Variants in NTRK3 observed in about 807,000 individuals in gnomAD.
The protein encoded by NTRK3 is neurotrophic receptor tyrosine kinase 3, also known as NT-3 growth factor receptor.
Under a neutral mutation model 91.7 loss-of-function variants are expected in NTRK3, and 24 were observed. That is an observed-to-expected ratio of 0.26 (90% confidence interval 0.19 to 0.37). NTRK3 has a LOEUF of 0.37. Ranked by LOEUF, NTRK3 falls within the 10% of genes least tolerant of loss-of-function variation. The pLI is 1.00. For synonymous variants in NTRK3, 483 were observed against 404.0 expected, an observed-to-expected ratio of 1.20 and a Z score of -2.34; for missense variants, 880 against 1,068.9, an observed-to-expected ratio of 0.82 and a Z score of 2.46.
intron 5 of NTRK3, among the ~76,000 whole-genome samples, chr15:88,162,534 G>C (rs2044556971): frequency 1.3e-5 from 2 of 152,136 alleles, no homozygotes; most frequent in Admixed American, 6.5e-5. Context: ...AGCATGGAGG[G>C]AACCATCACT....
chr15:88,146,734 A>C (rs1254155045), intron 6 of NTRK3, among the ~76,000 whole-genome samples: 1 of 152,164 alleles, frequency 6.6e-6, no homozygotes, highest in Non-Finnish European at 1.5e-5. Flanking sequence ...TGGCCTCCCC[A>C]AACCCCTTGA....
chr15:87,916,784 C>CA (rs1255334240), intron 17 of NTRK3, among the ~76,000 whole-genome samples: 2 of 149,270 alleles, frequency 1.3e-5, no homozygotes, highest in African/African-American at 5.0e-5. Context: ...TTTTTTTAGA[C>CA]AGAGTCTCAC....
exon 19 of NTRK3, chr15:87,869,766 G>T (rs567257520): frequency 9.9e-6 from 2 of 202,374 alleles, no homozygotes; most frequent in African/African-American, 4.6e-5. Flanking sequence ...CACTCCAGAG[G>T]TAGGCTCAGA....
intron 15 of NTRK3, among the ~76,000 whole-genome samples, chr15:87,934,017 C>T (rs917971687): frequency 1.3e-5 from 2 of 152,170 alleles, no homozygotes; most frequent in Non-Finnish European, 2.9e-5. Flanking sequence ...TGAATATACC[C>T]AGGTAGAGTG....
intron 17 of NTRK3, among the ~76,000 whole-genome samples, chr15:87,915,921 T>A (rs144402584): frequency 1.3e-5 from 2 of 152,340 alleles, no homozygotes; most frequent in East Asian, 1.9e-4. Context: ...CAATTGAATA[T>A]CTGCCTGACT....
chr15:87,975,837 C>T (rs1446246927), intron 14 of NTRK3, among the ~76,000 whole-genome samples: 4 of 152,186 alleles, frequency 2.6e-5, no homozygotes, highest in African/African-American at 9.7e-5. Flanking sequence ...AAGGCCTTGC[C>T]TCATTCTTTA....
At chr15:88,202,295 A>T (rs2048371915) in intron 3 of NTRK3, among the ~76,000 whole-genome samples, 1 of 152,072 alleles carries the variant, frequency 6.6e-6, no homozygotes, top group African/African-American at 2.4e-5. Flanking sequence ...CTTCCGTTCG[A>T]CATCTCCCCC....
chr15:87,877,049 G>A (rs1163333404), exon 19 of NTRK3: 1 of 1,614,008 alleles, frequency 6.2e-7, no homozygotes, highest in Non-Finnish European at 8.5e-7. Flanking sequence ...ACCCCAGCAT[G>A]ACATCGTACA....
intron 13 of NTRK3, among the ~76,000 whole-genome samples, chr15:88,088,321 G>A (rs2048696339): frequency 6.6e-6 from 1 of 152,156 alleles, no homozygotes; most frequent in Admixed American, 6.5e-5. Context: ...TTGTTGCTAT[G>A]AGTATTAGAA....
Position 88,243,659 on chromosome 15 carries a change from T to C in NTRK3, c.248+12247A>G, listed in dbSNP as rs1393652439. The stretch of plus-strand genomic sequence containing the variant: ...TTTGTCAACCAGACCAACCCCTACA[T>C]TTCCCAGGTAAACAAACTGAGGTTC... On this transcript the variant is annotated intron_variant, in intron 3 of 18. Coordinates refer to ENST00000394480, the Ensembl canonical transcript of NTRK3. The surrounding 1 kb of genome is among the most constrained non-coding windows in gnomAD (Gnocchi z 4.8). Among the ~76,000 whole-genome samples, 1 of 152,138 alleles carries C rather than the reference T, an allele frequency of 6.6e-6. No individual in the cohort carries two copies. Among genetic ancestry groups the C allele is most frequent in the Non-Finnish European group, 1.5e-5 (1 of 68,022 alleles).
intron 17 of NTRK3, among the ~76,000 whole-genome samples, chr15:87,913,218 C>A (rs763614781): frequency 4.0e-5 from 6 of 151,862 alleles, no homozygotes; most frequent in Non-Finnish European, 7.4e-5. Context: ...GGATGCTAGT[C>A]TCATTTATGT....
chr15:87,932,998 C>G lies in NTRK3; in HGVS notation c.1889+14G>C, dbSNP rs761863559. ...GACTGGGGTCAGGTGCAGGGGAAGA[C>G]AATCCTTGCTTACCTGAGGAACTTA... is the stretch of plus-strand genomic sequence containing the variant. On this transcript the variant is annotated intron_variant, in intron 16 of 18. Transcript: ENST00000394480. The G allele has an allele frequency of 6.2e-7, 1 of 1,613,802 alleles. No individual in the cohort carries two copies. The highest frequency in any genetic ancestry group is 8.5e-7 in the Non-Finnish European group (1 of 1,179,936).
chr15:87,896,945 T>A (rs2066160537), intron 17 of NTRK3, among the ~76,000 whole-genome samples: 1 of 152,138 alleles, frequency 6.6e-6, no homozygotes, highest in South Asian at 2.1e-4. Context: ...GTGCTTGAGA[T>A]TCTTTGGAGG....
chr15:88,020,522 A>G (rs1340109698), intron 14 of NTRK3, among the ~76,000 whole-genome samples: 1 of 152,232 alleles, frequency 6.6e-6, no homozygotes, highest in Non-Finnish European at 1.5e-5. Context: ...GGTTTCCCCC[A>G]ACAGCATATT....
chr15:88,166,379 C>A (rs2044947130), intron 5 of NTRK3, among the ~76,000 whole-genome samples: 1 of 152,212 alleles, frequency 6.6e-6, no homozygotes, highest in African/African-American at 2.4e-5. Context: ...GCACCTAACT[C>A]TTTGCTTGTG....
chr15:88,053,247 C>T (rs758160625), intron 13 of NTRK3, among the ~76,000 whole-genome samples: 10 of 152,076 alleles, frequency 6.6e-5, no homozygotes, highest in Admixed American at 1.3e-4. Flanking sequence ...AGTAATGAGG[C>T]TAATTTTATA....
rs1442756619 is a variant in NTRK3, at chr15:88,234,259, C to T, written c.248+21647G>A. On this transcript the variant is annotated intron_variant, in intron 3 of 18. Coordinates refer to ENST00000394480, the Ensembl canonical transcript of NTRK3. This position sits in a 1 kb window ranked among gnomAD's most constrained non-coding sequence, Gnocchi z 6.1. ...CAAAAAGCTCCCATAGCCTACACATCTCCAGACTGCACTCTCTTCCTTCAT... is the reference window on the plus strand; with the variant it reads ...CAAAAAGCTCCCATAGCCTACACATTTCCAGACTGCACTCTCTTCCTTCAT... 6.6e-6 allele frequency among the ~76,000 whole-genome samples: 1 copy of T among 152,224 alleles called. No individual in the cohort carries two copies. The highest frequency in any genetic ancestry group is 1.5e-5 in the Non-Finnish European group (1 of 68,038).
chr15:87,879,531 C>T (rs558431208), intron 18 of NTRK3, among the ~76,000 whole-genome samples: 1 of 152,278 alleles, frequency 6.6e-6, no homozygotes, highest in East Asian at 1.9e-4. Context: ...CAGCCCATTT[C>T]AGTACCTCAA....
At chr15:88,036,928 T>A (rs62022261) in intron 13 of NTRK3, among the ~76,000 whole-genome samples, 35,937 of 152,200 alleles carry the variant, frequency 0.24, 4,854 homozygotes, top group Middle Eastern at 0.39. Flanking sequence ...TGTGAAAGGC[T>A]GTTTCTTTGA....
Sources: gnomAD v4.1 joint callset for allele counts (sites outside exome capture counted in the v4.1 genomes callset) on GRCh38, gnomAD v4.1.1 for gene constraint, Gnocchi (gnomAD v3.1) non-coding constraint, MANE v1.5 for transcripts, NCBI Gene and HGNC (gene_info 2026-07-23, HGNC 2026-07-21) for gene names.